The following GLCCI1 variants were observed in gnomAD, a reference collection of about 807,000 sequenced individuals.
The protein encoded by GLCCI1 is glucocorticoid-induced transcript 1 protein.
GLCCI1 carries 24 observed loss-of-function variants against 52.2 expected under a neutral mutation model. That is an observed-to-expected ratio of 0.46 (90% confidence interval 0.33 to 0.65). The LOEUF (loss-of-function observed/expected upper bound fraction) is 0.65. Ranked by LOEUF, GLCCI1 falls within the 30% of genes least tolerant of loss-of-function variation. The pLI, the probability that GLCCI1 is intolerant of heterozygous loss-of-function variation, is 0.02. For missense variants in GLCCI1, 704 were observed against 701.5 expected (o/e 1.00, Z -0.04); for synonymous variants, 310 against 276.5 (o/e 1.12, Z -1.20).
At chr7:7,998,512 G>T (rs370954283) in intron 1 of GLCCI1, among the ~76,000 whole-genome samples, 1 of 152,160 alleles carries the variant, frequency 6.6e-6, no homozygotes. Flanking sequence ...CACCGTGCAG[G>T]CTCAGGAGGT....
chr7:7,993,146 A>G (rs570095386), intron 1 of GLCCI1, among the ~76,000 whole-genome samples: 1 of 152,270 alleles, frequency 6.6e-6, no homozygotes, highest in Non-Finnish European at 1.5e-5. Context: ...AACTTTAGGA[A>G]GAATCTGCTA....
At chr7:8,004,141 A>G in intron 2 of GLCCI1, 82 bp downstream of exon 2, 3 of 1,233,224 alleles carry the variant, frequency 2.4e-6, no homozygotes, top group East Asian at 2.4e-5. Flanking sequence ...AATATAATCA[A>G]ATTTCCCCAA....
intron 1 of GLCCI1, among the ~76,000 whole-genome samples, chr7:7,985,482 A>G (rs975504123): frequency 2.0e-5 from 3 of 152,156 alleles, no homozygotes; most frequent in Admixed American, 6.5e-5. Flanking sequence ...AATGATGGGC[A>G]CACATTTACC....
chr7:8,066,994 C>T (rs1324634093), intron 5 of GLCCI1, among the ~76,000 whole-genome samples: 1 of 152,138 alleles, frequency 6.6e-6, no homozygotes, highest in African/African-American at 2.4e-5. Context: ...TGAAGTCTCC[C>T]ACTATTATTT....
At chr7:8,032,467 T>A (rs756076790) in intron 3 of GLCCI1, among the ~76,000 whole-genome samples, 4 of 151,970 alleles carry the variant, frequency 2.6e-5, no homozygotes, top group African/African-American at 4.8e-5. Flanking sequence ...AACTAAAAGT[T>A]TGCAGAGATC....
chr7:8,049,065 A>C (rs1782199299), intron 3 of GLCCI1, among the ~76,000 whole-genome samples: 1 of 152,230 alleles, frequency 6.6e-6, no homozygotes, highest in Admixed American at 6.5e-5. Flanking sequence ...CAGTGGAAAG[A>C]AGAATAAAAT....
rs35255634 is a variant in GLCCI1 at position 7,976,479 on chromosome 7, C to CAA, written c.457+6690_457+6691dup. Among the ~76,000 whole-genome samples the CAA allele has an allele frequency of 1.1e-3, 26 of 24,680 alleles. 2 individuals carry two copies. Among genetic ancestry groups the CAA allele is most frequent in the Admixed American group, 3.5e-3 (6 of 1,692 alleles). 16.2% of individuals were successfully genotyped at this position (24,680 alleles called of 152,430 possible). A position where few individuals can be genotyped will look rare whatever the true frequency, so the allele number is the denominator to read the frequency against. On this transcript the variant is annotated intron_variant, in intron 1 of 7. Transcript: ENST00000223145. ...GGGCAACAAGAGTGAAACTCCATCTCAAAAAAAAAAAAAAAAAAAGGAAAG... is the reference window on the plus strand; with the variant it reads ...GGGCAACAAGAGTGAAACTCCATCTCAAAAAAAAAAAAAAAAAAAAAGGAAAG...
chr7:8,017,882 A>G (rs1036663720), intron 2 of GLCCI1, among the ~76,000 whole-genome samples: 1 of 152,208 alleles, frequency 6.6e-6, no homozygotes, highest in Non-Finnish European at 1.5e-5. Flanking sequence ...GCTGCTTTGT[A>G]ATACTTCATC....
In GLCCI1 at chr7:8,023,588, C is replaced by CTTTT. The variant is rs571726894; in HGVS notation, c.696+1044_696+1047dup. Among the ~76,000 whole-genome samples, 23 of 41,990 alleles carry CTTTT rather than the reference C, an allele frequency of 5.5e-4. 5 individuals carry two copies. Among genetic ancestry groups the CTTTT allele is most frequent in the African/African-American group, 7.1e-4 (7 of 9,804 alleles). The allele number at this position is 41,990 out of a possible 152,430, so 27.5% of individuals were successfully genotyped here. A position where few individuals can be genotyped will look rare whatever the true frequency, so the allele number is the denominator to read the frequency against. ...AGATGGTCATCTAATCTCTGTTATT[C>CTTTT]TTTTTTTTTTTTTTTTTTTTTTTTT... On this transcript the variant is annotated intron_variant, in intron 3 of 7. Coordinates refer to ENST00000223145, the MANE Select transcript of GLCCI1 (RefSeq NM_138426.4).
chr7:8,054,384 A>T (rs1584003990), intron 3 of GLCCI1, among the ~76,000 whole-genome samples: 1 of 152,156 alleles, frequency 6.6e-6, no homozygotes, highest in African/African-American at 2.4e-5. Flanking sequence ...AGCTACATAG[A>T]GCTTTAAAAA....
chr7:8,014,590 G>C (rs547117278), intron 2 of GLCCI1, among the ~76,000 whole-genome samples: 1 of 152,246 alleles, frequency 6.6e-6, no homozygotes, highest in East Asian at 1.9e-4. Context: ...GGTTTTGCAA[G>C]ATTTCCTTCC....
At chr7:7,992,279 G>T (rs1001442305) in intron 1 of GLCCI1, among the ~76,000 whole-genome samples, 2 of 151,884 alleles carry the variant, frequency 1.3e-5, no homozygotes, top group Admixed American at 6.6e-5. Flanking sequence ...TTCATTTAGT[G>T]GTGGAAGACT....
At chr7:8,076,111 C>T (rs1352590748) in intron 6 of GLCCI1, among the ~76,000 whole-genome samples, 2 of 152,130 alleles carry the variant, frequency 1.3e-5, no homozygotes, top group Non-Finnish European at 2.9e-5. Context: ...ATCTCTAGGG[C>T]TCTATTTCTT....
intron 3 of GLCCI1, among the ~76,000 whole-genome samples, chr7:8,047,857 G>A (rs975281065): frequency 1.3e-5 from 2 of 152,124 alleles, no homozygotes; most frequent in African/African-American, 4.8e-5. Context: ...CCCTTTAAGT[G>A]AGTAAATGCT....
chr7:7,969,175 G>T lies in GLCCI1; in HGVS notation c.-176G>T. 1 of 568,164 alleles carries T rather than the reference G, an allele frequency of 1.8e-6. No homozygotes were observed. The highest frequency in any genetic ancestry group is 2.0e-5 in the African/African-American group (1 of 50,098). 35.2% of individuals were successfully genotyped at this position (568,164 alleles called of 1,614,324 possible). A position where few individuals can be genotyped will look rare whatever the true frequency, so the allele number is the denominator to read the frequency against. On this transcript the variant is annotated 5_prime_UTR_variant, in exon 1 of 8. Coordinates refer to ENST00000223145, the MANE Select transcript of GLCCI1 (RefSeq NM_138426.4). This position sits in a 1 kb window ranked among gnomAD's most constrained non-coding sequence, Gnocchi z 4.9. ...AGCCTTCCCCTCCCCCCTCGCCGAG[G>T]CGGCGGGGGTGTGCGTTGGGGAGGG... is the stretch of plus-strand genomic sequence containing the variant.
chr7:8,016,386 G>A (rs887100788), intron 2 of GLCCI1, among the ~76,000 whole-genome samples: 3 of 152,100 alleles, frequency 2.0e-5, no homozygotes, highest in East Asian at 1.9e-4. Flanking sequence ...GGAGAATGGC[G>A]TGAACCCGGG....
intron 3 of GLCCI1, among the ~76,000 whole-genome samples, chr7:8,027,383 G>C (rs958963646): frequency 1.3e-5 from 2 of 152,142 alleles, no homozygotes; most frequent in Non-Finnish European, 2.9e-5. Flanking sequence ...AGCTACTGGG[G>C]AGGCTGAGGC....
At position 7,969,581 on chromosome 7, in the gene GLCCI1, G is replaced by A. The variant is rs1222812887; in HGVS notation, c.231G>A (p.Gln77=). Residue 77 remains glutamine, a synonymous_variant, in exon 1 of 8, where the codon CAG becomes CAA. Transcript: ENST00000223145. The surrounding 1 kb of genome is among the most constrained non-coding windows in gnomAD (Gnocchi z 4.9). ...CCTACCAGCTCTTGCGGGGCAGCCAGCACAGTCCCACGCGTCCGCCCGTCG... is the reference window on the plus strand; with the variant it reads ...CCTACCAGCTCTTGCGGGGCAGCCAACACAGTCCCACGCGTCCGCCCGTCG... The part of the protein sequence containing the change: ...TVPYQLLRGS[Q]HSPTRPPVAA... 9.7e-7 allele frequency: 1 copy of A among 1,034,134 alleles called. No individual in the cohort carries two copies. Among genetic ancestry groups the A allele is most frequent in the Non-Finnish European group, 1.2e-6 (1 of 862,766 alleles). 64.1% of individuals were successfully genotyped at this position (1,034,134 alleles called of 1,614,324 possible). A position where few individuals can be genotyped will look rare whatever the true frequency, so the allele number is the denominator to read the frequency against.
chr7:8,068,057 T>TA (rs34523186), intron 5 of GLCCI1, among the ~76,000 whole-genome samples: 89 of 152,190 alleles, frequency 5.8e-4, no homozygotes, highest in African/African-American at 2.1e-3. Context: ...TTATTCTTTT[T>TA]AAAAAAAATT....
Sources: gnomAD v4.1 joint callset for allele counts (sites outside exome capture counted in the v4.1 genomes callset) on GRCh38, gnomAD v4.1.1 for gene constraint, Gnocchi (gnomAD v3.1) non-coding constraint, MANE v1.5 for transcripts, NCBI Gene and HGNC (gene_info 2026-07-23, HGNC 2026-07-21) for gene names.